The following PAG1 variants were observed in gnomAD, a reference collection of about 807,000 sequenced individuals.
PAG1 encodes the protein phosphoprotein associated with glycosphingolipid-enriched microdomains 1.
Under a neutral mutation model 31.7 loss-of-function variants are expected in PAG1, and 23 were observed. The ratio of observed to expected loss-of-function variants is 0.73; its 90% confidence interval spans 0.52 to 1.03. The LOEUF (loss-of-function observed/expected upper bound fraction) is 1.03. PAG1 is among the 50% of genes least tolerant of loss of function. The pLI, the probability that PAG1 is intolerant of heterozygous loss-of-function variation, is 0.00. For synonymous variants in PAG1, 214 were observed against 210.3 expected, an observed-to-expected ratio of 1.02 and a Z score of -0.15; for missense variants, 473 against 540.7, an observed-to-expected ratio of 0.87 and a Z score of 1.24.
intron 1 of PAG1, among the ~76,000 whole-genome samples, chr8:81,111,367 C>T (rs972633591): frequency 2.6e-5 from 4 of 152,170 alleles, no homozygotes; most frequent in Non-Finnish European, 4.4e-5. Flanking sequence ...TACCTGTCCT[C>T]TCCCAGCATA....
intron 1 of PAG1, among the ~76,000 whole-genome samples, chr8:81,073,594 C>T (rs1809128348): frequency 6.6e-6 from 1 of 152,282 alleles, no homozygotes; most frequent in East Asian, 1.9e-4. Context: ...TTTTCTGATT[C>T]TGTCCAAACA....
At chr8:81,076,644 T>A (rs1396616692) in intron 1 of PAG1, among the ~76,000 whole-genome samples, 1 of 152,216 alleles carries the variant, frequency 6.6e-6, no homozygotes, top group African/African-American at 2.4e-5. Flanking sequence ...CTTACTTTCA[T>A]GTAAAAATTA....
chr8:81,045,359 C>T (rs148932491), intron 2 of PAG1, among the ~76,000 whole-genome samples: 2 of 152,270 alleles, frequency 1.3e-5, no homozygotes, highest in East Asian at 3.9e-4. Flanking sequence ...CTAGATTTTG[C>T]CATCAGCTAC....
intron 3 of PAG1, among the ~76,000 whole-genome samples, chr8:81,017,184 T>A (rs1054080038): frequency 6.6e-6 from 1 of 152,234 alleles, no homozygotes; most frequent in Non-Finnish European, 1.5e-5. Context: ...AGATCCTTTG[T>A]ATTCTTTGGG....
intron 3 of PAG1, among the ~76,000 whole-genome samples, chr8:81,020,581 G>A (rs1451996306): frequency 6.6e-6 from 1 of 152,122 alleles, no homozygotes; most frequent in Non-Finnish European, 1.5e-5. Context: ...CTTCTACCAT[G>A]ATTATGAGGC....
chr8:80,983,819 T>G (rs1316579221), intron 7 of PAG1, among the ~76,000 whole-genome samples: 2 of 152,234 alleles, frequency 1.3e-5, no homozygotes, highest in Non-Finnish European at 2.9e-5. Flanking sequence ...TTTTTATATT[T>G]TATGAACATG....
intron 1 of PAG1, among the ~76,000 whole-genome samples, chr8:81,102,480 A>T (rs534963727): frequency 4.6e-5 from 7 of 152,186 alleles, no homozygotes; most frequent in Non-Finnish European, 1.0e-4. Flanking sequence ...AGATTTAGGG[A>T]TAAGCATTAG....
At chr8:81,026,311 G>GTAC (rs929676624) in intron 3 of PAG1, among the ~76,000 whole-genome samples, 7 of 151,578 alleles carry the variant, frequency 4.6e-5, no homozygotes, top group African/African-American at 1.7e-4. Context: ...TAGCACCGTT[G>GTAC]TACTCTAGCC....
At chr8:81,107,092 A>T (rs1406699100) in intron 1 of PAG1, among the ~76,000 whole-genome samples, 2 of 152,130 alleles carry the variant, frequency 1.3e-5, no homozygotes, top group African/African-American at 2.4e-5. Context: ...CACTAAACAC[A>T]GATAAAGTTA....
chr8:81,048,010 T>C (rs745418774), intron 2 of PAG1, among the ~76,000 whole-genome samples: 1 of 152,220 alleles, frequency 6.6e-6, no homozygotes, highest in Admixed American at 6.5e-5. Flanking sequence ...GAAAGCTCCT[T>C]GGGTAAGGAA....
chr8:81,054,783 T>A (rs1314557007), intron 2 of PAG1, among the ~76,000 whole-genome samples: 3 of 152,296 alleles, frequency 2.0e-5, no homozygotes, highest in Middle Eastern at 3.4e-3. Context: ...CCGGAAAACA[T>A]GTCTAAGTGA....
chr8:81,025,134 C>A (rs1422545426), intron 3 of PAG1, among the ~76,000 whole-genome samples: 2 of 151,942 alleles, frequency 1.3e-5, no homozygotes, highest in African/African-American at 4.8e-5. Flanking sequence ...ATCTGTTTGC[C>A]TCCTATGACG....
rs1448531480 is a variant in PAG1, at chr8:80,985,391, C to A, written c.275-14G>T. 9.4e-6 allele frequency: 15 copies of A among 1,595,378 alleles called. No homozygotes were observed. The East Asian group carries it at 3.4e-4, about 36-fold the overall frequency. On this transcript the variant is annotated splice_polypyrimidine_tract_variant and intron_variant, in intron 6 of 8. Transcript: ENST00000220597. ...CCTCTGAAAGAACTAAAGCAGCACA[C>A]ACATTAAAAGCGGAGAAAGGCAAGT...
At chr8:81,013,442 T>G (rs960416226) in intron 3 of PAG1, among the ~76,000 whole-genome samples, 1 of 152,168 alleles carries the variant, frequency 6.6e-6, no homozygotes. Context: ...CATTGTACCC[T>G]GCCCCTGGGG....
chr8:80,977,043 C>T (rs1807200452), intron 8 of PAG1, 137 bp from the exon 9 acceptor site: 2 of 727,578 alleles, frequency 2.7e-6, no homozygotes, highest in South Asian at 1.8e-5. Context: ...CTTATCTGTA[C>T]TAATTATGGA....
At chr8:81,007,088 T>C (rs1450157513) in intron 3 of PAG1, among the ~76,000 whole-genome samples, 1 of 152,110 alleles carries the variant, frequency 6.6e-6, no homozygotes, top group Non-Finnish European at 1.5e-5. Context: ...TCACTCTTTT[T>C]CTGGAAAGGG....
At chr8:81,073,361 T>A (rs777670835) in intron 1 of PAG1, among the ~76,000 whole-genome samples, 1 of 152,160 alleles carries the variant, frequency 6.6e-6, no homozygotes. Context: ...CCTGAGAGCA[T>A]CAAATGAGAC....
chr8:81,082,455 T>G (rs2131021543), intron 1 of PAG1, among the ~76,000 whole-genome samples: 1 of 152,192 alleles, frequency 6.6e-6, no homozygotes, highest in Non-Finnish European at 1.5e-5. Flanking sequence ...GGTTTCAGTC[T>G]TCTGTTAAAT....
rs180726438 is a variant in PAG1, at chr8:80,974,210, A to G, written c.*2334T>C. 1.4e-4 allele frequency: 15 copies of G among 110,862 alleles called. No individual in the cohort carries two copies. Among genetic ancestry groups the G allele is most frequent in the Non-Finnish European group, 2.3e-4 (13 of 55,594 alleles). 6.9% of individuals were successfully genotyped at this position (110,862 alleles called of 1,614,324 possible). A position where few individuals can be genotyped will look rare whatever the true frequency, so the allele number is the denominator to read the frequency against. On this transcript the variant is annotated 3_prime_UTR_variant, in exon 9 of 9. Coordinates refer to ENST00000220597, the MANE Select transcript of PAG1 (RefSeq NM_018440.4). Reference sequence around the variant, plus strand: ...TCATACCTACTTTCCTGCCTTTTTGATAAGTAAGGCATGAAATGAAACAAA... The same window carrying G: ...TCATACCTACTTTCCTGCCTTTTTGGTAAGTAAGGCATGAAATGAAACAAA...
Sources: allele counts gnomAD v4.1 joint callset (sites outside exome capture counted in the v4.1 genomes callset), GRCh38; gene constraint gnomAD v4.1.1; transcripts MANE v1.5; gene names NCBI Gene and HGNC (gene_info 2026-07-23, HGNC 2026-07-21).